Variants in SLC12A5 observed in about 807,000 individuals in gnomAD.
SLC12A5 encodes the protein K-Cl cotransporter 2.
Under a neutral mutation model 124.0 loss-of-function variants are expected in SLC12A5, and 18 were observed. The ratio of observed to expected loss-of-function variants is 0.15; its 90% confidence interval spans 0.10 to 0.22. SLC12A5 has a LOEUF of 0.22. Among genes scored for constraint, SLC12A5 ranks in the 10% least tolerant of loss-of-function variants. The pLI is 1.00. For synonymous variants in SLC12A5, 589 were observed against 568.0 expected, an observed-to-expected ratio of 1.04 and a Z score of -0.53; for missense variants, 867 against 1,478.7, an observed-to-expected ratio of 0.59 and a Z score of 6.78.
In SLC12A5 at chr20:46,059,697, A is replaced by G. The variant is rs1167434577; in HGVS notation, c.*2092A>G. On this transcript the variant is annotated 3_prime_UTR_variant, in exon 26 of 26. Transcript: ENST00000243964. ...GCTACATGTGCAATATTTGTTATGA[A>G]TGTTATCACAAGTCATTCATCAAGT... 5.0e-6 allele frequency: 2 copies of G among 398,922 alleles called. No homozygotes were observed. Among genetic ancestry groups the G allele is most frequent in the Non-Finnish European group, 8.8e-6 (2 of 226,072 alleles). 24.7% of individuals were successfully genotyped at this position (398,922 alleles called of 1,614,324 possible).
chr20:46,044,790 G>T lies in SLC12A5; in HGVS notation c.1395-176G>T, dbSNP rs1462319473. On this transcript the variant is annotated intron_variant, in intron 11 of 25. Coordinates refer to ENST00000243964, the MANE Select transcript of SLC12A5 (RefSeq NM_020708.5). ...TGGTTTTCAGTATCAGGAAATTAGA[G>T]AATTATTTTATCAAGGAAAAAACAA... 12 of 709,438 alleles carry T rather than the reference G, an allele frequency of 1.7e-5. No homozygotes were observed. The East Asian group carries it at 2.2e-4, about 13-fold the overall frequency. 43.9% of individuals were successfully genotyped at this position (709,438 alleles called of 1,614,324 possible). A position where few individuals can be genotyped will look rare whatever the true frequency, so the allele number is the denominator to read the frequency against.
intron 4 of SLC12A5, 179 bp from the exon 5 acceptor site, chr20:46,036,562 A>C: frequency 1.8e-6 from 1 of 560,548 alleles, no homozygotes. Flanking sequence ...CATGGTGAAT[A>C]AGGTTTTCTT....
At chr20:46,028,852 C>T (rs1285950045), upstream of SLC12A5, among the ~76,000 whole-genome samples, 1 of 152,166 alleles carries the variant, frequency 6.6e-6, no homozygotes, top group South Asian at 2.1e-4. Flanking sequence ...CCCGCGGCCG[C>T]GACCTAGTTC....
Position 46,059,727 on chromosome 20 carries a change from TTTATAA to T in SLC12A5, c.*2124_*2129del. ...ATCACAAGTCATTCATCAAGTTATC[TTTATAA>T]TCACTGTAGTTAGATGTTTCATGTC... On this transcript the variant is annotated 3_prime_UTR_variant, in exon 26 of 26. Transcript: ENST00000243964. 2.5e-6 allele frequency: 1 copy of T among 398,944 alleles called. No individual in the cohort carries two copies. The highest frequency in any genetic ancestry group is 4.4e-6 in the Non-Finnish European group (1 of 226,010). 24.7% of individuals were successfully genotyped at this position (398,944 alleles called of 1,614,324 possible).
intron 11 of SLC12A5, 159 bp from the exon 12 acceptor site, chr20:46,044,806 GA>G: frequency 1.3e-6 from 1 of 782,846 alleles, no homozygotes; most frequent in Non-Finnish European, 2.1e-6. Flanking sequence ...TTTTATCAAG[GA>G]AAAAACAATG....
upstream of SLC12A5, among the ~76,000 whole-genome samples, chr20:46,028,754 G>T (rs11086993): frequency 0.055 from 8,401 of 152,196 alleles, 741 homozygotes; most frequent in African/African-American, 0.19. Context: ...GTTCCATGGC[G>T]CACCTCCACG....
In SLC12A5 at chr20:46,056,579, G is replaced by A. The variant is rs1209435320; in HGVS notation, c.3110+15G>A. The A allele has an allele frequency of 1.9e-6, 3 of 1,610,432 alleles. No homozygotes were observed. The highest frequency in any genetic ancestry group is 8.5e-7 in the Non-Finnish European group (1 of 1,177,916). On this transcript the variant is annotated intron_variant, in intron 23 of 25. Transcript: ENST00000243964. The surrounding 1 kb of genome is among the most constrained non-coding windows in gnomAD (Gnocchi z 4.3). ...AGCATGAAGCCGTACGGGCCTGGGG[G>A]CTAAGGGCTGGGGGCTGGGGTGAGC...
At chr20:46,048,288 A>T (rs955694963) in intron 16 of SLC12A5, among the ~76,000 whole-genome samples, 12 of 152,158 alleles carry the variant, frequency 7.9e-5, no homozygotes, top group African/African-American at 2.9e-4. Flanking sequence ...GTGGGTATGT[A>T]AATGTCCACA....
Position 46,057,606 on chromosome 20 carries a change from G to A in SLC12A5, c.*1G>A. 6.2e-7 allele frequency: 1 copy of A among 1,611,192 alleles called. No homozygotes were observed. The highest frequency in any genetic ancestry group is 1.1e-5 in the South Asian group (1 of 90,948). ...CGAGGTCATCACCATCTACTCCTGA[G>A]AACCAGGACCTGCCACCCGGGCCCG... On this transcript the variant is annotated 3_prime_UTR_variant, in exon 26 of 26. Transcript: ENST00000243964. The surrounding 1 kb of genome is among the most constrained non-coding windows in gnomAD (Gnocchi z 7.1).
In SLC12A5 at chr20:46,040,629, T is replaced by C. The variant is rs762374163; in HGVS notation, c.854+15T>C. ...CCCAACTTCCCGTGAGTGCTGCTGCTCTGAGCCCAAGGAATCGTCCTCCTA... is the reference window on the plus strand; with the variant it reads ...CCCAACTTCCCGTGAGTGCTGCTGCCCTGAGCCCAAGGAATCGTCCTCCTA... On this transcript the variant is annotated intron_variant, in intron 7 of 25. Coordinates refer to ENST00000243964, the MANE Select transcript of SLC12A5 (RefSeq NM_020708.5). 1 of 1,612,606 alleles carries C rather than the reference T, an allele frequency of 6.2e-7. No homozygotes were observed. The highest frequency in any genetic ancestry group is 1.1e-5 in the South Asian group (1 of 91,028).
rs1459010377 is a variant in SLC12A5, at chr20:46,058,230, G to A, written c.*625G>A. 1 of 377,864 alleles carries A rather than the reference G, an allele frequency of 2.6e-6. No individual in the cohort carries two copies. Among genetic ancestry groups the A allele is most frequent in the Non-Finnish European group, 4.7e-6 (1 of 213,066 alleles). The allele number at this position is 377,864 out of a possible 1,614,324, so 23.4% of individuals were successfully genotyped here. On this transcript the variant is annotated 3_prime_UTR_variant, in exon 26 of 26. Coordinates refer to ENST00000243964, the MANE Select transcript of SLC12A5 (RefSeq NM_020708.5). This position sits in a 1 kb window ranked among gnomAD's most constrained non-coding sequence, Gnocchi z 5.8. ...GCTCTCCCGCTGGGGGCACTGCGGG[G>A]AGGCGAGGCCTCGGGAAGCTGAATT...
chr20:46,048,873 A>T (rs1458395546), intron 16 of SLC12A5, among the ~76,000 whole-genome samples: 1 of 149,962 alleles, frequency 6.7e-6, no homozygotes, highest in African/African-American at 2.5e-5. Flanking sequence ...GTCTCAAAAA[A>T]AAAAAGGGGG....
chr20:46,058,607 C>T lies in SLC12A5; in HGVS notation c.*1002C>T, dbSNP rs1050457274. 1.8e-5 allele frequency: 7 copies of T among 399,036 alleles called. No homozygotes were observed. The highest frequency in any genetic ancestry group is 6.2e-5 in the African/African-American group (3 of 48,640). 24.7% of individuals were successfully genotyped at this position (399,036 alleles called of 1,614,324 possible). The stretch of plus-strand genomic sequence containing the variant: ...CGAGGAAGCCCCGCCCCGGTGCCTT[C>T]GCTGGGGAGCAGGCGTCTCTCCTCA... On this transcript the variant is annotated 3_prime_UTR_variant, in exon 26 of 26. Transcript: ENST00000243964. The surrounding 1 kb of genome is among the most constrained non-coding windows in gnomAD (Gnocchi z 5.8).
Position 46,049,745 on chromosome 20 carries a change from G to A in SLC12A5, c.2136G>A (p.Glu712=), listed in dbSNP as rs771818855. 4 of 1,603,376 alleles carry A rather than the reference G, an allele frequency of 2.5e-6. No homozygotes were observed. In the South Asian group the frequency reaches 4.5e-5, roughly 18 times the overall value. Residue 712 remains glutamate, a synonymous_variant, in exon 17 of 26, where the codon GAG becomes GAA. Transcript: ENST00000243964. ...KGLTIVGSVL[E]GTFLENHPQA... ...TGACCATCGTGGGCTCTGTCCTTGAGGGCACCTTTCTGGAAAATCATCCAC... is the reference window on the plus strand; with the variant it reads ...TGACCATCGTGGGCTCTGTCCTTGAAGGCACCTTTCTGGAAAATCATCCAC...
rs1427898367 is a variant in SLC12A5 at position 46,059,216 on chromosome 20, T to A, written c.*1611T>A. 1 of 239,664 alleles carries A rather than the reference T, an allele frequency of 4.2e-6. No homozygotes were observed. The highest frequency in any genetic ancestry group is 2.2e-5 in the African/African-American group (1 of 44,862). The allele number at this position is 239,664 out of a possible 1,614,324, so 14.8% of individuals were successfully genotyped here. ...CCTGACCTGCGCACCTAGCTTGACA[T>A]CTCACGCACCTCCCAGAGCTGGCGC... On this transcript the variant is annotated 3_prime_UTR_variant, in exon 26 of 26. Coordinates refer to ENST00000243964, the MANE Select transcript of SLC12A5 (RefSeq NM_020708.5).
intron 6 of SLC12A5, among the ~76,000 whole-genome samples, chr20:46,038,653 A>G (rs2084518643): frequency 6.6e-6 from 1 of 152,248 alleles, no homozygotes; most frequent in African/African-American, 2.4e-5. Flanking sequence ...TTCACCTATA[A>G]TCTTACAATA....
upstream of SLC12A5, among the ~76,000 whole-genome samples, chr20:46,024,347 C>G (rs961955967): frequency 1.5e-4 from 23 of 152,134 alleles, no homozygotes; most frequent in Admixed American, 1.2e-3. Context: ...GAAGTTCCAT[C>G]TGGACAATGA....
Position 46,056,824 on chromosome 20 carries a change from C to T in SLC12A5, c.3111-73C>T. 6.6e-7 allele frequency: 1 copy of T among 1,509,986 alleles called. No homozygotes were observed. The highest frequency in any genetic ancestry group is 9.2e-7 in the Non-Finnish European group (1 of 1,087,656). 93.5% of individuals were successfully genotyped at this position (1,509,986 alleles called of 1,614,324 possible). A position where few individuals can be genotyped will look rare whatever the true frequency, so the allele number is the denominator to read the frequency against. On this transcript the variant is annotated intron_variant, in intron 23 of 25. Transcript: ENST00000243964. The surrounding 1 kb of genome is among the most constrained non-coding windows in gnomAD (Gnocchi z 4.3). Reference sequence around the variant, plus strand: ...TCAGGGCAGATGACCATGGCCCAAGCCCCCAGTGTCTTCCTCTTTTTCTGA... The same window carrying T: ...TCAGGGCAGATGACCATGGCCCAAGTCCCCAGTGTCTTCCTCTTTTTCTGA...
At chr20:46,037,506 CA>C in intron 6 of SLC12A5, 121 bp downstream of exon 6, 1 of 1,121,462 alleles carries the variant, frequency 8.9e-7, no homozygotes, top group Non-Finnish European at 1.2e-6. Flanking sequence ...TCAGTAAGGC[CA>C]AAGTCAGATG....
Sources: allele counts gnomAD v4.1 joint callset (sites outside exome capture counted in the v4.1 genomes callset), GRCh38; gene constraint gnomAD v4.1.1; non-coding constraint Gnocchi (gnomAD v3.1); transcripts MANE v1.5; gene names NCBI Gene and HGNC (gene_info 2026-07-23, HGNC 2026-07-21).